TTR: variants seen among roughly 807,000 people sequenced by gnomAD.
TTR encodes the protein epididymis luminal protein 111.
A neutral mutation model predicts 13.7 loss-of-function variants in TTR; 8 were observed. The observed-to-expected ratio is 0.58, with a 90% CI of 0.34 to 1.05. TTR has a LOEUF of 1.05. TTR is among the 50% of genes least tolerant of loss of function. The pLI, the probability that TTR is intolerant of heterozygous loss-of-function variation, is 0.02. For synonymous variants in TTR, 75 were observed against 71.7 expected (o/e 1.05, Z -0.23); for missense variants, 135 against 185.5 (o/e 0.73, Z 1.58).
chr18:31,595,980 T>C (rs75075253), intron 3 of TTR: 3,335 of 159,854 alleles, frequency 0.021, 135 homozygotes, highest in African/African-American at 0.076. Flanking sequence ...AGTTCTGCTA[T>C]GCCTCGCATT....
intron 1 of TTR, 148 bp downstream of exon 1, chr18:31,592,119 A>T: frequency 1.2e-6 from 1 of 819,228 alleles, no homozygotes; most frequent in East Asian, 2.7e-5. Context: ...TCAAACTTCA[A>T]AAAGAATGAA....
chr18:31,597,306 A>C (rs529635577), intron 3 of TTR: 1 of 152,282 alleles, frequency 6.6e-6, no homozygotes, highest in Non-Finnish European at 1.5e-5. Context: ...AGCCTCCCAA[A>C]GTGCTGGGAT....
chr18:31,594,451 C>T (rs1175048057), intron 2 of TTR, among the ~76,000 whole-genome samples: 1 of 152,186 alleles, frequency 6.6e-6, no homozygotes, highest in Non-Finnish European at 1.5e-5. Context: ...CAAAGCTATC[C>T]TCACACCACA....
chr18:31,594,318 G>T (rs2073504495), intron 2 of TTR, among the ~76,000 whole-genome samples: 1 of 152,186 alleles, frequency 6.6e-6, no homozygotes, highest in Non-Finnish European at 1.5e-5. Context: ...TTTGTTGCTG[G>T]CAAAGAGTTA....
chr18:31,592,456 T>C (rs1567945506), intron 1 of TTR, among the ~76,000 whole-genome samples: 1 of 152,240 alleles, frequency 6.6e-6, no homozygotes, highest in Admixed American at 6.5e-5. Flanking sequence ...ACTAATACTA[T>C]AAAATGGGTC....
rs747925781 is a variant in TTR, at chr18:31,592,943, T to TCCTCGGTCAAA, written c.117_118insCCTCGGTCAAA (p.Val40ProfsTer50). On this transcript the variant is annotated frameshift_variant, in exon 2 of 4. Coordinates refer to ENST00000237014, the MANE Select transcript of TTR (RefSeq NM_000371.4). LOFTEE classifies it high-confidence loss of function. Reference sequence around the variant, plus strand: ...CTCTGATGGTCAAAGTTCTAGATGCTGTCCGAGGCAGTCCTGCCATCAATG... The same window carrying TCCTCGGTCAAA: ...CTCTGATGGTCAAAGTTCTAGATGCTCCTCGGTCAAAGTCCGAGGCAGTCCTGCCATCAATG... 7 of 1,614,170 alleles carry TCCTCGGTCAAA rather than the reference T, an allele frequency of 4.3e-6. No homozygotes were observed. The highest frequency in any genetic ancestry group is 5.9e-6 in the Non-Finnish European group (7 of 1,179,990).
Position 31,591,983 on chromosome 18 carries a change from T to C in TTR, c.69+12T>C, listed in dbSNP as rs368643414. ...AGGCTGGCCCTACGGTGAGTGTTTC[T>C]GTGACATCCCATTCCTACATTTAAG... On this transcript the variant is annotated intron_variant, in intron 1 of 3. Coordinates refer to ENST00000237014, the MANE Select transcript of TTR (RefSeq NM_000371.4). 5 of 1,613,962 alleles carry C rather than the reference T, an allele frequency of 3.1e-6. No homozygotes were observed. The highest frequency in any genetic ancestry group is 4.2e-6 in the Non-Finnish European group (5 of 1,179,834).
rs1328661699 is a variant in TTR, at chr18:31,598,685, C to T, written c.*10C>T. 6.2e-7 allele frequency: 1 copy of T among 1,611,324 alleles called. No individual in the cohort carries two copies. The highest frequency in any genetic ancestry group is 8.5e-7 in the Non-Finnish European group (1 of 1,179,514). On this transcript the variant is annotated 3_prime_UTR_variant, in exon 4 of 4. Coordinates refer to ENST00000237014, the MANE Select transcript of TTR (RefSeq NM_000371.4). ...CAATCCCAAGGAATGAGGGACTTCT[C>T]CTCCAGTGGACCTGAAGGACGAGGG...
chr18:31,594,800 G>T (rs2073507784), intron 2 of TTR, among the ~76,000 whole-genome samples: 2 of 152,030 alleles, frequency 1.3e-5, no homozygotes, highest in Admixed American at 1.3e-4. Flanking sequence ...GGAGGCAGAG[G>T]TTGCAGTGAG....
At chr18:31,594,581 T>C (rs923838057) in intron 2 of TTR, among the ~76,000 whole-genome samples, 1 of 152,192 alleles carries the variant, frequency 6.6e-6, no homozygotes, top group African/African-American at 2.4e-5. Flanking sequence ...ACATTATACC[T>C]GGCCGGGCAC....
At chr18:31,595,308 A>C (rs1230161230) in intron 3 of TTR, 53 bp downstream of exon 3, 8 of 1,610,924 alleles carry the variant, frequency 5.0e-6, no homozygotes. Context: ...TGCTTTTGGC[A>C]TTCCAGGAAA....
intron 2 of TTR, 68 bp from the exon 3 acceptor site, chr18:31,595,052 G>T (rs1027566111): frequency 1.3e-6 from 2 of 1,537,402 alleles, no homozygotes; most frequent in East Asian, 2.3e-5. Flanking sequence ...GTTGGTGGGG[G>T]TGTATTACTT....
At position 31,598,715 on chromosome 18, in the gene TTR, G is replaced by T. The variant is rs189110724; in HGVS notation, c.*40G>T. ...AGTGGACCTGAAGGACGAGGGATGG[G>T]ATTTCATGTAACCAAGAGTATTCCA... On this transcript the variant is annotated 3_prime_UTR_variant, in exon 4 of 4. Transcript: ENST00000237014. 11 of 1,597,164 alleles carry T rather than the reference G, an allele frequency of 6.9e-6. No individual in the cohort carries two copies. The Admixed American group carries it at 1.8e-4, about 27-fold the overall frequency.
chr18:31,592,186 T>C (rs1169355453), intron 1 of TTR, among the ~76,000 whole-genome samples: 1 of 152,178 alleles, frequency 6.6e-6, no homozygotes, highest in Non-Finnish European at 1.5e-5. Flanking sequence ...CCTCATTGCT[T>C]TGGTGCATTA....
intron 3 of TTR, 182 bp from the exon 4 acceptor site, chr18:31,598,386 A>G (rs1412085670): frequency 4.2e-6 from 3 of 718,838 alleles, no homozygotes; most frequent in East Asian, 2.7e-5. Flanking sequence ...AGGACTGTGC[A>G]TGGTTCCAAA....
chr18:31,598,086 T>A (rs1451453146), intron 3 of TTR: 1 of 253,494 alleles, frequency 3.9e-6, no homozygotes, highest in Non-Finnish European at 7.9e-6. Flanking sequence ...TCCATCAGAA[T>A]GTAGACTGGG....
At position 31,591,930 on chromosome 18, in the gene TTR, T is replaced by C; in HGVS notation, c.28T>C (p.Cys10Arg). Residue 10 changes from cysteine (C) to arginine (R), a missense_variant, in exon 1 of 4, where the codon TGC (cysteine) becomes CGC (arginine). Coordinates refer to ENST00000237014, the MANE Select transcript of TTR (RefSeq NM_000371.4). The stretch of plus-strand genomic sequence containing the variant: ...GGCTTCTCATCGTCTGCTCCTCCTC[T>C]GCCTTGCTGGACTGGTATTTGTGTC... Reference protein sequence around the residue: MASHRLLLLCLAGLVFVSEA... With the variant: MASHRLLLLRLAGLVFVSEA... 1 of 1,614,188 alleles carries C rather than the reference T, an allele frequency of 6.2e-7. No individual in the cohort carries two copies. Among genetic ancestry groups the C allele is most frequent in the Non-Finnish European group, 8.5e-7 (1 of 1,180,034 alleles).
chr18:31,592,219 T>A (rs1275191958), intron 1 of TTR, among the ~76,000 whole-genome samples: 1 of 152,216 alleles, frequency 6.6e-6, no homozygotes, highest in East Asian at 1.9e-4. Flanking sequence ...CTGGTACCTC[T>A]GTTTCCTCAG....
intron 2 of TTR, 73 bp from the exon 3 acceptor site, chr18:31,595,047 T>C: frequency 1.3e-6 from 2 of 1,508,156 alleles, no homozygotes; most frequent in Non-Finnish European, 1.8e-6. Context: ...TGTTAGTTGG[T>C]GGGGGTGTAT....
Sources: allele counts gnomAD v4.1 joint callset (sites outside exome capture counted in the v4.1 genomes callset), GRCh38; gene constraint gnomAD v4.1.1; transcripts MANE v1.5; gene names NCBI Gene and HGNC (gene_info 2026-07-23, HGNC 2026-07-21).